RBMS1: variants seen among roughly 807,000 people sequenced by gnomAD.
RBMS1 encodes the protein RNA-binding motif, single-stranded-interacting protein 1.
A neutral mutation model predicts 62.3 loss-of-function variants in RBMS1; 17 were observed. The ratio of observed to expected loss-of-function variants is 0.27; its 90% CI spans 0.19 to 0.41. The LOEUF (loss-of-function observed/expected upper bound fraction) is 0.41, where lower values mean the gene tolerates loss of function less well. Ranked by LOEUF, RBMS1 falls within the 10% of genes least tolerant of loss-of-function variation. The pLI, the probability that RBMS1 is intolerant of heterozygous loss-of-function variation, is 1.00. For missense variants in RBMS1, 334 were observed against 504.5 expected (o/e 0.66, Z 3.24); for synonymous variants, 172 against 170.0 (o/e 1.01, Z -0.09).
chr2:160,318,615 G>A (rs955801828), intron 2 of RBMS1, among the ~76,000 whole-genome samples: 2 of 152,226 alleles, frequency 1.3e-5, no homozygotes, highest in African/African-American at 4.8e-5. Flanking sequence ...GGAAAGTACT[G>A]TCCTATGATC....
intron 1 of RBMS1, among the ~76,000 whole-genome samples, chr2:160,471,718 A>ATATATATATATATATATATAAAG (rs1357101386): frequency 3.4e-4 from 5 of 14,524 alleles, no homozygotes; most frequent in East Asian, 2.8e-3. Context: ...TATATATATA[A>ATATATATATATATATATATAAAG]CCTTTCATAC....
At chr2:160,426,482 T>C (rs1007665556) in intron 1 of RBMS1, among the ~76,000 whole-genome samples, 7 of 152,210 alleles carry the variant, frequency 4.6e-5, no homozygotes, top group African/African-American at 1.4e-4. Flanking sequence ...GATTATCCTT[T>C]ATCAAATTTA....
intron 10 of RBMS1, among the ~76,000 whole-genome samples, chr2:160,280,876 C>T (rs1301107238): frequency 6.6e-6 from 1 of 152,078 alleles, no homozygotes; most frequent in Middle Eastern, 3.4e-3. Context: ...TGTTATTTAC[C>T]AAATAATGTG....
At chr2:160,456,859 T>C (rs1684257770) in intron 1 of RBMS1, among the ~76,000 whole-genome samples, 1 of 152,116 alleles carries the variant, frequency 6.6e-6, no homozygotes, top group East Asian at 1.9e-4. Flanking sequence ...ATTCAATACA[T>C]TTTTCACAAA....
At chr2:160,312,433 A>G (rs1437978990) in intron 4 of RBMS1, among the ~76,000 whole-genome samples, 1 of 152,218 alleles carries the variant, frequency 6.6e-6, no homozygotes, top group Admixed American at 6.5e-5. Context: ...GTGCTAAAAT[A>G]TATATTAAGC....
At chr2:160,463,239 G>A (rs1684544128) in intron 1 of RBMS1, among the ~76,000 whole-genome samples, 4 of 152,198 alleles carry the variant, frequency 2.6e-5, no homozygotes, top group African/African-American at 4.8e-5. Flanking sequence ...GATGTTCAGA[G>A]TGGTCAGGAT....
chr2:160,471,695 A>ATG (rs1684921882), intron 1 of RBMS1, among the ~76,000 whole-genome samples: 3 of 59,626 alleles, frequency 5.0e-5, no homozygotes, highest in Admixed American at 2.6e-4. Flanking sequence ...TTTGGTGTAT[A>ATG]TATATATATA....
chr2:160,378,761 C>G (rs1055288465), intron 1 of RBMS1, among the ~76,000 whole-genome samples: 1 of 152,122 alleles, frequency 6.6e-6, no homozygotes, highest in Non-Finnish European at 1.5e-5. Context: ...ATATATGTCA[C>G]AAATTCATAC....
At chr2:160,297,380 C>T (rs1040959131) in intron 6 of RBMS1, among the ~76,000 whole-genome samples, 1 of 152,174 alleles carries the variant, frequency 6.6e-6, no homozygotes, top group Non-Finnish European at 1.5e-5. Context: ...CAATTTCCCC[C>T]CACATGGTAG....
chr2:160,460,037 A>G (rs1684397598), intron 1 of RBMS1, among the ~76,000 whole-genome samples: 1 of 152,224 alleles, frequency 6.6e-6, no homozygotes, highest in Admixed American at 6.5e-5. Context: ...AACCTTGTAG[A>G]TAAGTTAAAA....
At chr2:160,437,362 G>A (rs1271807248) in intron 1 of RBMS1, among the ~76,000 whole-genome samples, 1 of 152,162 alleles carries the variant, frequency 6.6e-6, no homozygotes, top group Non-Finnish European at 1.5e-5. Context: ...TGCACAATTA[G>A]CAAGAATAGT....
intron 6 of RBMS1, among the ~76,000 whole-genome samples, chr2:160,297,018 C>A (rs1398084283): frequency 6.6e-6 from 1 of 152,170 alleles, no homozygotes; most frequent in African/African-American, 2.4e-5. Flanking sequence ...CAGACCTGTA[C>A]CCAACACTAA....
Position 160,438,739 on chromosome 2 carries a change from A to G in RBMS1, c.75+54550T>C, listed in dbSNP as rs1053808917. On this transcript the variant is annotated intron_variant, in intron 1 of 13. Coordinates refer to ENST00000348849, the MANE Select transcript of RBMS1 (RefSeq NM_016836.4). ...CCCCTTTCTATTCCACAAAACCGCC[A>G]TTGTCATCATGGCCCGTTCTCAATG... is the stretch of plus-strand genomic sequence containing the variant. 4.1e-4 allele frequency among the ~76,000 whole-genome samples: 63 copies of G among 152,106 alleles called. 1 individual carries two copies. Among genetic ancestry groups the G allele is most frequent in the Non-Finnish European group, 2.9e-5 (2 of 67,996 alleles).
intron 1 of RBMS1, among the ~76,000 whole-genome samples, chr2:160,408,161 C>G (rs1211707187): frequency 6.6e-6 from 1 of 151,896 alleles, no homozygotes. Context: ...AGCCAACCCC[C>G]CTCCTCTGTT....
At chr2:160,383,453 T>TTG (rs1553518102) in intron 1 of RBMS1, among the ~76,000 whole-genome samples, 17,456 of 74,772 alleles carry the variant, frequency 0.23, 1,792 homozygotes, top group East Asian at 0.47. Context: ...AGACATGAAT[T>TTG]GGGGGGGGGG....
intron 1 of RBMS1, among the ~76,000 whole-genome samples, chr2:160,405,554 T>G (rs1695656422): frequency 6.6e-6 from 1 of 152,196 alleles, no homozygotes; most frequent in South Asian, 2.1e-4. Context: ...AAAAGAAACC[T>G]TTGACTCAAA....
rs568228838 is a variant in RBMS1, at chr2:160,299,942, G to A, written c.640+709C>T. ...CTTTGGCTGCATGGATATAACAGGA[G>A]TGGTGTGCGTGAATTACAGCAGGAT... On this transcript the variant is annotated intron_variant, in intron 6 of 13. Coordinates refer to ENST00000348849, the MANE Select transcript of RBMS1 (RefSeq NM_016836.4). Among the ~76,000 whole-genome samples the A allele has an allele frequency of 3.3e-5, 5 of 152,316 alleles. No homozygotes were observed. The South Asian group carries it at 1.0e-3, about 32-fold the overall frequency.
intron 1 of RBMS1, among the ~76,000 whole-genome samples, chr2:160,467,863 CAT>C (rs749900769): frequency 8.0e-4 from 121 of 152,004 alleles, no homozygotes; most frequent in Non-Finnish European, 1.3e-3. Flanking sequence ...AGCAAGTAGA[CAT>C]GTATATCTCA....
chr2:160,405,579 G>A (rs1026821134), intron 1 of RBMS1, among the ~76,000 whole-genome samples: 1 of 152,112 alleles, frequency 6.6e-6, no homozygotes, highest in Non-Finnish European at 1.5e-5. Context: ...ACTGGTACCC[G>A]GGGTCTTGTG....
Sources: allele counts gnomAD v4.1 joint callset (sites outside exome capture counted in the v4.1 genomes callset), GRCh38; gene constraint gnomAD v4.1.1; transcripts MANE v1.5; gene names NCBI Gene and HGNC (gene_info 2026-07-23, HGNC 2026-07-21).